The following SASH1 variants were observed in gnomAD, a reference collection of about 807,000 sequenced individuals.
The protein encoded by SASH1 is SAM and SH3 domain-containing protein 1.
Under a neutral mutation model 125.2 loss-of-function variants are expected in SASH1, and 44 were observed. That is an observed-to-expected ratio of 0.35 (90% confidence interval 0.28 to 0.45). The LOEUF (loss-of-function observed/expected upper bound fraction) is 0.45. Ranked by LOEUF, SASH1 falls within the 20% of genes least tolerant of loss-of-function variation. The pLI is 1.00. For synonymous variants in SASH1, 639 were observed against 649.1 expected, an observed-to-expected ratio of 0.98 and a Z score of 0.24; for missense variants, 1,426 against 1,614.5, an observed-to-expected ratio of 0.88 and a Z score of 2.00.
intron 2 of SASH1, chr6:148,393,582 G>A: frequency 2.0e-6 from 1 of 498,440 alleles, no homozygotes. Context: ...CTAGGTAGGA[G>A]AGAAAGTCTG....
the SASH1 span, among the ~76,000 whole-genome samples, chr6:148,240,260 G>A: frequency 2.0e-5 from 3 of 151,662 alleles, no homozygotes; most frequent in Non-Finnish European, 4.4e-5. Context: ...ACACAGTGTT[G>A]ATCAACACTT....
intron 4 of SASH1, among the ~76,000 whole-genome samples, chr6:148,458,116 C>G (rs1342009331): frequency 1.3e-5 from 2 of 152,180 alleles, no homozygotes; most frequent in Non-Finnish European, 2.9e-5. Context: ...GTTGGGCTTT[C>G]CAAGGCTTGA....
intron 8 of SASH1, among the ~76,000 whole-genome samples, chr6:148,493,739 CA>C (rs2115238090): frequency 6.8e-6 from 1 of 146,016 alleles, no homozygotes; most frequent in African/African-American, 2.8e-5. Context: ...AGATAGTTAC[CA>C]GGGGAAGTGA....
chr6:148,412,200 G>GA (rs1373327061), intron 2 of SASH1, among the ~76,000 whole-genome samples: 2 of 152,142 alleles, frequency 1.3e-5, no homozygotes, highest in Non-Finnish European at 2.9e-5. Flanking sequence ...CAAGGATTGA[G>GA]AAATTTATGG....
chr6:148,392,221 G>A (rs1472103210), intron 2 of SASH1, among the ~76,000 whole-genome samples: 2 of 151,542 alleles, frequency 1.3e-5, no homozygotes. Context: ...GGGAGGCGGA[G>A]GTTGTGGTGA....
At chr6:148,306,302 C>T (rs1488861487) in intron 1 of SASH1, among the ~76,000 whole-genome samples, 1 of 152,182 alleles carries the variant, frequency 6.6e-6, no homozygotes, top group Non-Finnish European at 1.5e-5. Flanking sequence ...CTATAGATGT[C>T]CGCCTCTAAA....
intron 2 of SASH1, among the ~76,000 whole-genome samples, chr6:148,426,942 T>A (rs1775848757): frequency 6.6e-6 from 1 of 152,096 alleles, no homozygotes; most frequent in African/African-American, 2.4e-5. Context: ...GAGACCAGCC[T>A]GGTCAGCATG....
chr6:148,371,369 G>T (rs974085344), intron 1 of SASH1, among the ~76,000 whole-genome samples: 5 of 151,138 alleles, frequency 3.3e-5, no homozygotes, highest in African/African-American at 1.2e-4. Flanking sequence ...TGATTCTCCT[G>T]CCTCAGCCTC....
At chr6:148,395,332 A>G (rs1004486799) in intron 2 of SASH1, among the ~76,000 whole-genome samples, 4 of 152,256 alleles carry the variant, frequency 2.6e-5, no homozygotes, top group Non-Finnish European at 4.4e-5. Context: ...AACGAAACAA[A>G]AGGACACTCA....
intron 11 of SASH1, among the ~76,000 whole-genome samples, chr6:148,527,011 T>A (rs527277140): frequency 6.6e-6 from 1 of 152,252 alleles, no homozygotes; most frequent in African/African-American, 2.4e-5. Flanking sequence ...TAGCTGGGAC[T>A]ACAGACGCCC....
chr6:148,309,822 T>C (rs1207675776), intron 1 of SASH1, among the ~76,000 whole-genome samples: 1 of 152,124 alleles, frequency 6.6e-6, no homozygotes, highest in Non-Finnish European at 1.5e-5. Flanking sequence ...GTATCATTCA[T>C]TTCTTGGGCA....
At position 148,319,459 on chromosome 6, in the gene SASH1, A is replaced by T. The variant is rs188238393; in HGVS notation, n.74+47082A>T. 1.9e-3 allele frequency among the ~76,000 whole-genome samples: 291 copies of T among 152,200 alleles called. 2 individuals are homozygous for T. The highest frequency in any genetic ancestry group is 2.5e-3 in the Non-Finnish European group (170 of 68,012). ...TTTTAGTTACCCACATTTTAGTCCTAAAATATTAAATGGAAAACTCAATAA... is the reference window on the plus strand; with the variant it reads ...TTTTAGTTACCCACATTTTAGTCCTTAAATATTAAATGGAAAACTCAATAA... On this transcript the variant is annotated intron_variant and non_coding_transcript_variant, in intron 1 of 3. Coordinates refer to the SASH1 transcript ENST00000367469.
At chr6:148,375,102 C>A in intron 1 of SASH1, among the ~76,000 whole-genome samples, 1 of 151,934 alleles carries the variant, frequency 6.6e-6, no homozygotes, top group East Asian at 1.9e-4. Flanking sequence ...GTCATCCTCC[C>A]TCCTCAGCCT....
intron 7 of SASH1, among the ~76,000 whole-genome samples, chr6:148,475,015 TA>T (rs983275406): frequency 1.3e-5 from 2 of 152,338 alleles, no homozygotes; most frequent in Admixed American, 6.5e-5. Flanking sequence ...TGAGTTAAGT[TA>T]GGCACTACAA....
chr6:148,549,179 T>A lies in SASH1; in HGVS notation c.*621T>A, dbSNP rs1782750096. The A allele has an allele frequency of 6.1e-6, 1 of 164,588 alleles. No individual in the cohort carries two copies. Among genetic ancestry groups the A allele is most frequent in the African/African-American group, 2.4e-5 (1 of 42,030 alleles). The allele number at this position is 164,588 out of a possible 1,614,324, so 10.2% of individuals were successfully genotyped here. On this transcript the variant is annotated 3_prime_UTR_variant, in exon 20 of 20. Transcript: ENST00000367467. ...TAATATAAGCTTTTAAGCAGTTATC[T>A]AACTAGTGTCCACAACCCTGTAACC...
intron 1 of SASH1, among the ~76,000 whole-genome samples, chr6:148,363,079 C>A (rs1049580327): frequency 2.6e-5 from 4 of 152,112 alleles, no homozygotes; most frequent in Admixed American, 6.6e-5. Flanking sequence ...TGATGTGGGG[C>A]AGGGACCCTG....
At chr6:148,449,083 T>TCTTTTTTTTTTTTC (rs1554258784) in intron 4 of SASH1, among the ~76,000 whole-genome samples, 2 of 129,696 alleles carry the variant, frequency 1.5e-5, no homozygotes, top group African/African-American at 5.9e-5. Flanking sequence ...CATTTCTTTT[T>TCTTTTTTTTTTTTC]TTTTTTTTTT....
chr6:148,218,480 T>C, the SASH1 span, among the ~76,000 whole-genome samples: 1 of 152,226 alleles, frequency 6.6e-6, no homozygotes, highest in Non-Finnish European at 1.5e-5. Flanking sequence ...TTTTCTTTAG[T>C]GGGACATTCC....
intron 11 of SASH1, among the ~76,000 whole-genome samples, chr6:148,526,813 C>T (rs907891747): frequency 1.3e-5 from 2 of 151,944 alleles, no homozygotes; most frequent in Admixed American, 6.6e-5. Context: ...GTAGTATTAT[C>T]CCTCTATTCT....
Sources: allele counts gnomAD v4.1 joint callset (sites outside exome capture counted in the v4.1 genomes callset), GRCh38; gene constraint gnomAD v4.1.1; transcripts MANE v1.5; gene names NCBI Gene and HGNC (gene_info 2026-07-23, HGNC 2026-07-21).